Variants in RTN4 observed in about 807,000 individuals in gnomAD.
RTN4 encodes reticulon 4, also known as reticulon-4.
In RTN4, 32 loss-of-function variants were observed where a neutral mutation model predicts 90.4. That is an observed-to-expected ratio of 0.35 (90% CI 0.27 to 0.48). The LOEUF (loss-of-function observed/expected upper bound fraction) is 0.48, where lower values mean the gene tolerates loss of function less well. Ranked by LOEUF, RTN4 falls within the 20% of genes least tolerant of loss-of-function variation. The pLI is 0.99. For synonymous variants in RTN4, 629 were observed against 552.5 expected, an observed-to-expected ratio of 1.14 and a Z score of -1.94; for missense variants, 1,706 against 1,430.2, an observed-to-expected ratio of 1.19 and a Z score of -3.11.
rs1668039933 is a variant in RTN4, at chr2:55,111,656, T to C, written c.-214+864A>G. On this transcript the variant is annotated intron_variant, in intron 1 of 3. Transcript: ENST00000427710. ...CACTCAGGAGGGTGTTTGGGGCTGT[T>C]TAGGAGGAGGGGTCTCCACTGGCTA... Among the ~76,000 whole-genome samples, 4 of 151,742 alleles carry C rather than the reference T, an allele frequency of 2.6e-5. No homozygotes were observed. In the South Asian group the frequency reaches 8.3e-4, roughly 32 times the overall value.
At chr2:55,037,652 G>A (rs916665072) in intron 1 of RTN4, among the ~76,000 whole-genome samples, 1 of 152,150 alleles carries the variant, frequency 6.6e-6, no homozygotes, top group South Asian at 2.1e-4. Context: ...CAGCATCCAT[G>A]AAACTATGAC....
chr2:55,022,868 T>C (rs1029464181), intron 3 of RTN4, among the ~76,000 whole-genome samples: 4 of 146,064 alleles, frequency 2.7e-5, no homozygotes, highest in Non-Finnish European at 1.5e-5. Context: ...TGAACTGCTA[T>C]TCCTCTGAAA....
At chr2:55,128,057 C>T in the RTN4 span, among the ~76,000 whole-genome samples, 2 of 151,782 alleles carry the variant, frequency 1.3e-5, no homozygotes, top group South Asian at 2.1e-4. Context: ...TTTGTAGAGG[C>T]GAGATCTTCC....
chr2:55,001,193 C>A (rs891934101), intron 3 of RTN4, among the ~76,000 whole-genome samples: 2 of 152,102 alleles, frequency 1.3e-5, no homozygotes, highest in Non-Finnish European at 2.9e-5. Flanking sequence ...GTTTACTATT[C>A]ATTTTATTAA....
At chr2:55,095,783 T>C (rs548329218) in intron 1 of RTN4, among the ~76,000 whole-genome samples, 7 of 152,364 alleles carry the variant, frequency 4.6e-5, no homozygotes, top group African/African-American at 1.4e-4. Context: ...GCCCTTTTCC[T>C]GTTAGGATCC....
chr2:55,003,566 A>G (rs1275710553), intron 3 of RTN4, among the ~76,000 whole-genome samples: 1 of 152,226 alleles, frequency 6.6e-6, no homozygotes, highest in Non-Finnish European at 1.5e-5. Flanking sequence ...CCAAGGATGC[A>G]AAGAAAAGTA....
In RTN4 at chr2:54,982,616, A is replaced by G; in HGVS notation, c.3259T>C (p.Leu1087=). Residue 1087 remains leucine (L), a synonymous_variant, in exon 5 of 9, where the codon TTG becomes CTG. Coordinates refer to ENST00000337526, the MANE Select transcript of RTN4 (RefSeq NM_020532.5). ...GCAGAATTACTGTACTTCTGAACCAACTCCTCAGATATAGCAACTTCAGAT... is the reference window on the plus strand; with the variant it reads ...GCAGAATTACTGTACTTCTGAACCAGCTCCTCAGATATAGCAACTTCAGAT... The part of the protein sequence containing the change: ...LESEVAISEE[L]VQKYSNSALG... The G allele has an allele frequency of 1.9e-6, 3 of 1,612,868 alleles. No individual in the cohort carries two copies. Among genetic ancestry groups the G allele is most frequent in the South Asian group, 1.1e-5 (1 of 90,802 alleles).
At chr2:55,019,048 G>C (rs1319126546) in intron 3 of RTN4, among the ~76,000 whole-genome samples, 1 of 152,080 alleles carries the variant, frequency 6.6e-6, no homozygotes, top group Admixed American at 6.6e-5. Flanking sequence ...AAAGAAGGTT[G>C]CATGTCCCTG....
At chr2:55,125,228 G>T in the RTN4 span, among the ~76,000 whole-genome samples, 3 of 152,158 alleles carry the variant, frequency 2.0e-5, no homozygotes, top group African/African-American at 7.2e-5. Context: ...GACACAAAGA[G>T]CTATCGCAAC....
At chr2:55,136,317 G>A in the RTN4 span, among the ~76,000 whole-genome samples, 14,811 of 152,220 alleles carry the variant, frequency 0.097, 824 homozygotes, top group East Asian at 0.22. Flanking sequence ...GCCCCTTCCA[G>A]GTGCTGGCAG....
chr2:55,067,793 G>T (rs1668421411), intron 2 of RTN4, among the ~76,000 whole-genome samples: 1 of 152,158 alleles, frequency 6.6e-6, no homozygotes, highest in Admixed American at 6.5e-5. Flanking sequence ...CTTCCGTGCT[G>T]TGGATTTTAG....
chr2:54,980,822 C>G (rs1249722033), intron 5 of RTN4, among the ~76,000 whole-genome samples: 1 of 152,130 alleles, frequency 6.6e-6, no homozygotes, highest in African/African-American at 2.4e-5. Flanking sequence ...GGCATCAGTA[C>G]CTCCTCCTCA....
At chr2:55,028,371 G>C (rs989205085) in intron 1 of RTN4, 151 bp from the exon 2 acceptor site, 2 of 599,630 alleles carry the variant, frequency 3.3e-6, no homozygotes, top group South Asian at 2.3e-5. Context: ...GTCAGAAAAA[G>C]TAGTACCATT....
chr2:55,082,423 C>T (rs1318711194), intron 1 of RTN4, among the ~76,000 whole-genome samples: 2 of 152,180 alleles, frequency 1.3e-5, no homozygotes, highest in Non-Finnish European at 2.9e-5. Context: ...ACCAAACTAC[C>T]ACACTCCCAA....
In RTN4 at chr2:55,026,464, G is replaced by A. The variant is rs140420673; in HGVS notation, c.1635C>T (p.Asn545=). ...LTKVTEEVVA[N]MPEGLTPDLV... is the part of the protein sequence containing the mutation. The stretch of plus-strand genomic sequence containing the variant: ...AATCTGGAGTCAGGCCTTCAGGCAT[G>A]TTTGCCACGACTTCCTCAGTCACCT... Residue 545 remains asparagine (N), a synonymous_variant, in exon 3 of 9, where the codon AAC becomes AAT. Coordinates refer to ENST00000337526, the MANE Select transcript of RTN4 (RefSeq NM_020532.5). 30 of 1,613,808 alleles carry A rather than the reference G, an allele frequency of 1.9e-5. 2 individuals carry two copies. Among genetic ancestry groups the A allele is most frequent in the African/African-American group, 8.0e-5 (6 of 74,912 alleles).
upstream of RTN4, among the ~76,000 whole-genome samples, chr2:55,114,525 C>T (rs998922091): frequency 3.3e-5 from 5 of 152,102 alleles, no homozygotes; most frequent in Non-Finnish European, 7.4e-5. Context: ...ATGGTGAAAC[C>T]CCGTCGCTAC....
intron 1 of RTN4, among the ~76,000 whole-genome samples, chr2:55,107,459 G>C (rs1667963490): frequency 6.6e-6 from 1 of 150,960 alleles, no homozygotes; most frequent in South Asian, 2.1e-4. Flanking sequence ...GCTACTCTAG[G>C]CCCTACTTTC....
chr2:55,131,623 C>A, the RTN4 span, among the ~76,000 whole-genome samples: 2 of 152,168 alleles, frequency 1.3e-5, no homozygotes, highest in African/African-American at 4.8e-5. Flanking sequence ...GTGGCTCACA[C>A]ATGTAATCCC....
rs1573481175 is a variant in RTN4 at position 55,050,446 on chromosome 2, A to T, written c.-146T>A. 2.2e-6 allele frequency: 1 copy of T among 445,276 alleles called. No homozygotes were observed. The allele number at this position is 445,276 out of a possible 1,614,324, so 27.6% of individuals were successfully genotyped here. A position where few individuals can be genotyped will look rare whatever the true frequency, so the allele number is the denominator to read the frequency against. ...GACCTACTGTGGTGACGGCTCCCGG[A>T]ACAATGAGACTGCTCCTCCTGCCTC... On this transcript the variant is annotated 5_prime_UTR_variant, in exon 1 of 9. Coordinates refer to ENST00000337526, the MANE Select transcript of RTN4 (RefSeq NM_020532.5). This position sits in a 1 kb window ranked among gnomAD's most constrained non-coding sequence, Gnocchi z 4.6.
Sources: allele counts gnomAD v4.1 joint callset (sites outside exome capture counted in the v4.1 genomes callset), GRCh38; gene constraint gnomAD v4.1.1; non-coding constraint Gnocchi (gnomAD v3.1); transcripts MANE v1.5; gene names NCBI Gene and HGNC (gene_info 2026-07-23, HGNC 2026-07-21).